The following QSER1 variants were observed in gnomAD, a reference collection of about 807,000 sequenced individuals.
QSER1 encodes glutamine and serine-rich protein 1.
Under a neutral mutation model 158.5 loss-of-function variants are expected in QSER1, and 49 were observed. The ratio of observed to expected loss-of-function variants is 0.31; its 90% CI spans 0.25 to 0.39. The LOEUF is 0.39. Among genes scored for constraint, QSER1 ranks in the 10% least tolerant of loss-of-function variants. The pLI, the probability that QSER1 is intolerant of heterozygous loss-of-function variation, is 1.00. For missense variants in QSER1, 1,754 were observed against 2,010.3 expected, an observed-to-expected ratio of 0.87 and a Z score of 2.44; for synonymous variants, 650 against 715.5, an observed-to-expected ratio of 0.91 and a Z score of 1.46.
In QSER1 at chr11:32,932,611, C is replaced by T. The variant is rs1766664403; in HGVS notation, c.1353C>T (p.Gly451=). Residue 451 remains glycine (G), a synonymous_variant, in exon 4 of 13, where the codon GGC becomes GGT. Transcript: ENST00000650167. Reference sequence around the variant, plus strand: ...ATAATCAGAGTTCTGTAATATCGGGCCAAGCACAAATTTATTCTACAGCGC... The same window carrying T: ...ATAATCAGAGTTCTGTAATATCGGGTCAAGCACAAATTTATTCTACAGCGC... ...PLHNQSSVIS[G]QAQIYSTAQL... is the part of the protein sequence containing the mutation. The T allele has an allele frequency of 6.2e-7, 1 of 1,613,924 alleles. No individual in the cohort carries two copies. The highest frequency in any genetic ancestry group is 8.5e-7 in the Non-Finnish European group (1 of 1,180,006).
At chr11:32,895,438 A>G (rs1851542502) in intron 1 of QSER1, among the ~76,000 whole-genome samples, 1 of 152,206 alleles carries the variant, frequency 6.6e-6, no homozygotes. Context: ...AAACTGTGCA[A>G]ATATTCCCTT....
chr11:32,965,970 CACACA>C (rs1852737926), intron 8 of QSER1, among the ~76,000 whole-genome samples: 1 of 151,286 alleles, frequency 6.6e-6, no homozygotes, highest in Non-Finnish European at 1.5e-5. Flanking sequence ...CACACACACA[CACACA>C]CACACACACA....
chr11:32,948,980 A>G (rs1195385559), intron 4 of QSER1, among the ~76,000 whole-genome samples: 1 of 152,160 alleles, frequency 6.6e-6, no homozygotes, highest in Non-Finnish European at 1.5e-5. Flanking sequence ...AAATCTGTCA[A>G]TATCTTCCTT....
intron 1 of QSER1, among the ~76,000 whole-genome samples, chr11:32,894,139 C>A (rs1851524378): frequency 6.6e-6 from 1 of 152,192 alleles, no homozygotes; most frequent in Non-Finnish European, 1.5e-5. Context: ...GCTTCTCCAT[C>A]TCGGCCTTTA....
Position 32,956,023 on chromosome 11 carries a change from C to T in QSER1, c.4653C>T (p.Tyr1551=). Reference sequence around the variant, plus strand: ...ATTTTGGAGATGCAAAGAGTAAATACAAAAGAATATATGTGAAGTTCATTG... The same window carrying T: ...ATTTTGGAGATGCAAAGAGTAAATATAAAAGAATATATGTGAAGTTCATTG... ...LGYFGDAKSK[Y]KRIYVKFIEN... Residue 1551 remains tyrosine, a synonymous_variant, in exon 7 of 13, where the codon TAC becomes TAT. Coordinates refer to ENST00000650167, the MANE Select transcript of QSER1 (RefSeq NM_001076786.3). The T allele has an allele frequency of 6.2e-7, 1 of 1,606,984 alleles. No individual in the cohort carries two copies. Among genetic ancestry groups the T allele is most frequent in the Non-Finnish European group, 8.5e-7 (1 of 1,174,650 alleles).
chr11:32,945,644 A>T (rs1014067633), intron 4 of QSER1, among the ~76,000 whole-genome samples: 3 of 150,996 alleles, frequency 2.0e-5, no homozygotes, highest in Non-Finnish European at 3.0e-5. Flanking sequence ...GGGTAACCCG[A>T]CCTTTCTCTC....
chr11:32,921,860 A>G (rs1040574138), intron 1 of QSER1, among the ~76,000 whole-genome samples: 1 of 152,244 alleles, frequency 6.6e-6, no homozygotes, highest in Non-Finnish European at 1.5e-5. Flanking sequence ...CTATAAACAC[A>G]GTTGTATAAA....
In QSER1 at chr11:32,934,635, G is replaced by C; in HGVS notation, c.3377G>C (p.Ser1126Thr). The C allele has an allele frequency of 6.2e-7, 1 of 1,613,740 alleles. No homozygotes were observed. Among genetic ancestry groups the C allele is most frequent in the South Asian group, 1.1e-5 (1 of 91,078 alleles). The change falls in exon 4 of 13, where the codon AGT becomes ACT. Residue 1126 changes from serine to threonine, a missense_variant. Around this residue, in one of 2 missense-constraint regions of QSER1, gnomAD observed 1,707 missense variants for 1,919.6 expected, o/e 0.89. Transcript: ENST00000650167. ...SEEDSEAPVDSTLNNNRNQEF... is the reference protein window; with the variant it reads ...SEEDSEAPVDTTLNNNRNQEF... ...GAAGACAGTGAAGCTCCTGTTGATA[G>C]TACATTAAATAATAACAGAAACCAA... is the stretch of plus-strand genomic sequence containing the variant.
intron 1 of QSER1, among the ~76,000 whole-genome samples, chr11:32,900,116 G>C (rs1484502965): frequency 6.6e-6 from 1 of 152,114 alleles, no homozygotes; most frequent in Non-Finnish European, 1.5e-5. Flanking sequence ...TTTCCTGCAT[G>C]GATAATTGCA....
intron 7 of QSER1, among the ~76,000 whole-genome samples, chr11:32,956,990 C>T (rs1852524991): frequency 6.6e-6 from 1 of 152,096 alleles, no homozygotes; most frequent in African/African-American, 2.4e-5. Flanking sequence ...GTCTTGAACT[C>T]TTGGGCTCAA....
Position 32,935,276 on chromosome 11 carries a change from A to G in QSER1, c.4018A>G (p.Ser1340Gly). The change falls in exon 4 of 13, where the codon AGT becomes GGT. Residue 1340 changes from serine to glycine, a missense_variant. This residue lies in a region of QSER1 where 1,707 missense variants were observed against 1,919.6 expected (regional missense o/e 0.89). Coordinates refer to ENST00000650167, the MANE Select transcript of QSER1 (RefSeq NM_001076786.3). ...TTTAGTGTCTGAAACTGGCGGTAAC[A>G]GTCCATCAGATAAAGTTGATAATGA... Reference protein sequence around the residue: ...TPLVSETGGNSPSDKVDNELK... With the variant: ...TPLVSETGGNGPSDKVDNELK... 6.2e-7 allele frequency: 1 copy of G among 1,613,948 alleles called. No individual in the cohort carries two copies. Among genetic ancestry groups the G allele is most frequent in the Non-Finnish European group, 8.5e-7 (1 of 1,179,960 alleles).
intron 10 of QSER1, among the ~76,000 whole-genome samples, chr11:32,971,725 C>A (rs1418335975): frequency 3.3e-5 from 5 of 152,144 alleles, no homozygotes; most frequent in African/African-American, 1.2e-4. Context: ...TAGTGCCCTT[C>A]TACACTTATA....
rs983046522 is a variant in QSER1 at position 32,932,226 on chromosome 11, G to A, written c.968G>A (p.Arg323Gln). Reference protein sequence around the residue: ...RECSVIKHHQRPSGTQSIQAQ... With the variant: ...RECSVIKHHQQPSGTQSIQAQ... Reference sequence around the variant, plus strand: ...TGTAGTGTTATTAAACACCATCAGCGGCCTTCAGGTACCCAGTCAATTCAG... The same window carrying A: ...TGTAGTGTTATTAAACACCATCAGCAGCCTTCAGGTACCCAGTCAATTCAG... The change falls in exon 4 of 13, where the codon CGG (arginine) becomes CAG (glutamine). Residue 323 changes from arginine (R) to glutamine (Q), a missense_variant. Transcript: ENST00000650167. 5.6e-6 allele frequency: 9 copies of A among 1,614,088 alleles called. No individual in the cohort carries two copies. The highest frequency in any genetic ancestry group is 2.7e-5 in the African/African-American group (2 of 75,024).
At chr11:32,939,619 A>G (rs1011964787) in intron 4 of QSER1, among the ~76,000 whole-genome samples, 1 of 152,210 alleles carries the variant, frequency 6.6e-6, no homozygotes, top group Non-Finnish European at 1.5e-5. Flanking sequence ...CAGTCAGAAC[A>G]TAAGTTCTGT....
At chr11:32,969,235 C>T in intron 10 of QSER1, 92 bp downstream of exon 10, 1 of 795,228 alleles carries the variant, frequency 1.3e-6, no homozygotes, top group East Asian at 2.7e-5. Flanking sequence ...TATTCACTTA[C>T]AACATTTTTC....
chr11:32,931,332 C>T (rs1232050514), intron 3 of QSER1, among the ~76,000 whole-genome samples: 2 of 152,074 alleles, frequency 1.3e-5, no homozygotes, highest in African/African-American at 4.8e-5. Flanking sequence ...ATAATCCCAT[C>T]ACTTTGGTAG....
Position 32,917,822 on chromosome 11 carries a change from A to AAG in QSER1, c.210-9334_210-9333insGA, listed in dbSNP as rs34934739. Among the ~76,000 whole-genome samples the AAG allele has an allele frequency of 3.9e-4, 6 of 15,584 alleles. No individual in the cohort carries two copies. The Admixed American group carries it at 6.2e-3, about 16-fold the overall frequency. The allele number at this position is 15,584 out of a possible 152,430, so 10.2% of individuals were successfully genotyped here. ...GGGTGACAATGTGAGACTCTGTCTC[A>AAG]AAAAAAAAAAAAAAAAAAAAAACCA... On this transcript the variant is annotated intron_variant, in intron 1 of 12. Transcript: ENST00000650167.
Position 32,964,729 on chromosome 11 carries a change from TATATATATATACACAC to T in QSER1, c.4970-1569_4970-1554del, listed in dbSNP as rs1453350352. Among the ~76,000 whole-genome samples, 146 of 115,050 alleles carry T rather than the reference TATATATATATACACAC, an allele frequency of 1.3e-3. 1 individual carries two copies. Among genetic ancestry groups the T allele is most frequent in the Non-Finnish European group, 2.4e-3 (132 of 54,726 alleles). 75.5% of individuals were successfully genotyped at this position (115,050 alleles called of 152,430 possible). A position where few individuals can be genotyped will look rare whatever the true frequency, so the allele number is the denominator to read the frequency against. ...AAAAAAAAAACACCATATATATATATATATATATATACACACACACACACACACACACACACACACA... is the reference window on the plus strand; with the variant it reads ...AAAAAAAAAACACCATATATATATATACACACACACACACACACACACACA... On this transcript the variant is annotated intron_variant, in intron 8 of 12. Transcript: ENST00000650167.
chr11:32,933,552 T>C lies in QSER1; in HGVS notation c.2294T>C (p.Val765Ala), dbSNP rs1852087940. 1 of 1,613,866 alleles carries C rather than the reference T, an allele frequency of 6.2e-7. No homozygotes were observed. The highest frequency in any genetic ancestry group is 8.5e-7 in the Non-Finnish European group (1 of 1,179,904). Reference protein sequence around the residue: ...LQASKKEESVVGSVTQLNQQI... With the variant: ...LQASKKEESVAGSVTQLNQQI... ...GCATCAAAAAAAGAAGAAAGTGTTG[T>C]TGGTTCAGTGACACAACTTAACCAA... Residue 765 changes from valine to alanine, a missense_variant, in exon 4 of 13, where the codon GTT (valine) becomes GCT (alanine). Around this residue, in one of 2 missense-constraint regions of QSER1, gnomAD observed 1,707 missense variants for 1,919.6 expected, o/e 0.89. Coordinates refer to ENST00000650167, the MANE Select transcript of QSER1 (RefSeq NM_001076786.3).
Sources: allele counts gnomAD v4.1 joint callset (sites outside exome capture counted in the v4.1 genomes callset), GRCh38; gene constraint gnomAD v4.1.1; regional missense constraint gnomAD v4.1.1; transcripts MANE v1.5; gene names NCBI Gene and HGNC (gene_info 2026-07-23, HGNC 2026-07-21).